LARGE1: variants seen among roughly 807,000 people sequenced by gnomAD.
The protein encoded by LARGE1 is LARGE xylosyl- and glucuronyltransferase 1.
A neutral mutation model predicts 87.6 loss-of-function variants in LARGE1; 43 were observed. The ratio of observed to expected loss-of-function variants is 0.49; its 90% CI spans 0.38 to 0.63. LARGE1 has a LOEUF of 0.63. LARGE1 is among the 30% of genes least tolerant of loss of function. The pLI is 0.00. For synonymous variants in LARGE1, 434 were observed against 394.6 expected (o/e 1.10, Z -1.18); for missense variants, 802 against 1,000.2 (o/e 0.80, Z 2.67).
At chr22:33,798,101 C>T (rs1048379728) in intron 1 of LARGE1, among the ~76,000 whole-genome samples, 3 of 152,090 alleles carry the variant, frequency 2.0e-5, no homozygotes, top group Non-Finnish European at 2.9e-5. Flanking sequence ...GGCGAAAACC[C>T]GTCTCTACTG....
intron 1 of LARGE1, among the ~76,000 whole-genome samples, chr22:33,891,013 TGGTTCTGTGCATATGGGAAGCTGCATAC>T (rs61365606): frequency 0.77 from 114,996 of 148,940 alleles, 44,737 homozygotes; most frequent in East Asian, 1. Flanking sequence ...GGGCTCCATA[TGGTTCTGTGCATATGGGAAGCTGCATAC>T]GGTTCTGTGC....
At chr22:33,728,551 CAAAAAA>C (rs57790780) in intron 2 of LARGE1, among the ~76,000 whole-genome samples, 1 of 37,462 alleles carries the variant, frequency 2.7e-5, no homozygotes. Context: ...CCCCTACCAC[CAAAAAA>C]AAAAAAAAAA....
intron 11 of LARGE1, among the ~76,000 whole-genome samples, chr22:33,259,059 T>C (rs1602160302): frequency 6.6e-6 from 1 of 152,086 alleles, no homozygotes; most frequent in South Asian, 2.1e-4. Context: ...TTTGTATTTT[T>C]AGTAGAGACG....
the LARGE1 span, among the ~76,000 whole-genome samples, chr22:33,084,935 C>CA: frequency 6.6e-6 from 1 of 152,130 alleles, no homozygotes; most frequent in Non-Finnish European, 1.5e-5. Flanking sequence ...TAATTTTCAT[C>CA]AAAAATATTT....
chr22:33,290,380 T>C (rs975694607), intron 12 of LARGE1, among the ~76,000 whole-genome samples: 2 of 152,202 alleles, frequency 1.3e-5, no homozygotes, highest in Admixed American at 6.5e-5. Context: ...CGGGTCTGCA[T>C]CCTGGCTAAC....
chr22:33,186,253 A>T (rs1252878020), intron 11 of LARGE1, among the ~76,000 whole-genome samples: 3 of 152,204 alleles, frequency 2.0e-5, no homozygotes, highest in Non-Finnish European at 4.4e-5. Context: ...TTTCAGGAAT[A>T]TAGATGCAAA....
chr22:33,446,649 G>C (rs746149154), intron 6 of LARGE1, among the ~76,000 whole-genome samples: 4 of 152,222 alleles, frequency 2.6e-5, no homozygotes, highest in Non-Finnish European at 5.9e-5. Context: ...AGGAGCAGAT[G>C]GCGAGGGAGA....
intron 1 of LARGE1, among the ~76,000 whole-genome samples, chr22:33,843,854 G>T (rs1248734306): frequency 1.3e-5 from 2 of 152,042 alleles, no homozygotes; most frequent in Non-Finnish European, 2.9e-5. Context: ...AAGGCGGGCG[G>T]ATCACCTGAA....
intron 1 of LARGE1, among the ~76,000 whole-genome samples, chr22:33,839,820 C>A (rs192478888): frequency 6.6e-6 from 1 of 152,186 alleles, no homozygotes; most frequent in South Asian, 2.1e-4. Flanking sequence ...CTTTGACTTG[C>A]GTCACCTCAT....
intron 4 of LARGE1, among the ~76,000 whole-genome samples, chr22:33,613,953 T>A (rs1426721036): frequency 1.3e-5 from 2 of 152,168 alleles, no homozygotes; most frequent in African/African-American, 4.8e-5. Context: ...CCCAGCCTCA[T>A]AAGCTAGAAA....
In LARGE1 at chr22:33,283,292, G is replaced by A. The variant is rs760800914; in HGVS notation, c.1787C>T (p.Ala596Val). The change falls in exon 13 of 15, where the codon GCG becomes GTG. Residue 596 changes from alanine (A) to valine (V), a missense_variant. Ala to Val is a moderately conservative substitution (Grantham distance 64, BLOSUM62 0). Transcript: ENST00000397394. Reference protein sequence around the residue: ...ANTKKAMIVPAFETLRYRLSF... With the variant: ...ANTKKAMIVPVFETLRYRLSF... ...CAGCCGGTAGCGCAGTGTCTCGAAC[G>A]CGGGGACAATCATTGCTTTCTTGGT... The A allele has an allele frequency of 5.6e-6, 9 of 1,614,028 alleles. No individual in the cohort carries two copies. The highest frequency in any genetic ancestry group is 1.7e-5 in the Admixed American group (1 of 59,986).
intron 2 of LARGE1, 138 bp from the exon 3 acceptor site, chr22:33,650,806 G>A: frequency 2.1e-6 from 2 of 961,934 alleles, no homozygotes; most frequent in Non-Finnish European, 3.1e-6. Context: ...TGGAAAGTGA[G>A]TTACAAATAA....
chr22:33,399,895 T>A (rs1275185288), intron 7 of LARGE1, among the ~76,000 whole-genome samples: 1 of 152,192 alleles, frequency 6.6e-6, no homozygotes, highest in East Asian at 1.9e-4. Flanking sequence ...GTTACAGCAG[T>A]TCCAGTAAAG....
At position 33,752,559 on chromosome 22, in the gene LARGE1, A is replaced by G. The variant is rs8135968; in HGVS notation, c.106+8812T>C. 3.3e-3 allele frequency among the ~76,000 whole-genome samples: 502 copies of G among 152,320 alleles called. 7 individuals carry two copies. The highest frequency in any genetic ancestry group is 0.012 in the African/African-American group (485 of 41,580). ...TAAATCATTCAGACAATTCAGACCA[A>G]TACATCTAAATACAGTGCCTTTCTC... On this transcript the variant is annotated intron_variant, in intron 2 of 14. Coordinates refer to ENST00000397394, the MANE Select transcript of LARGE1 (RefSeq NM_133642.5).
In LARGE1 at chr22:33,650,612, T is replaced by C. The variant is rs34642406; in HGVS notation, c.163A>G (p.Thr55Ala). The change falls in exon 3 of 15, where the codon ACG (threonine) becomes GCG (alanine). Residue 55 changes from threonine (T) to alanine (A), a missense_variant. Thr to Ala is a moderately conservative substitution (Grantham distance 58). Transcript: ENST00000397394. ...TCGCGCTCCCGCTGGCTGGAGGCCG[T>C]GTACCTGGGGCTGTGTGCCTGGGAC... is the stretch of plus-strand genomic sequence containing the variant. ...LESQAHSPRY[T>A]ASSQRERESL... is the part of the protein sequence containing the mutation. 7.2e-4 allele frequency: 1,162 copies of C among 1,604,306 alleles called. 7 individuals are homozygous for C. The African/African-American group carries it at 0.014, about 20-fold the overall frequency.
intron 5 of LARGE1, among the ~76,000 whole-genome samples, chr22:33,572,738 C>G (rs1028401118): frequency 8.6e-5 from 13 of 151,996 alleles, no homozygotes; most frequent in African/African-American, 1.4e-4. Flanking sequence ...GGCATGGTGG[C>G]GCATGCCTGT....
intron 2 of LARGE1, among the ~76,000 whole-genome samples, chr22:33,747,182 T>C (rs931382729): frequency 2.6e-5 from 4 of 152,060 alleles, no homozygotes; most frequent in Non-Finnish European, 5.9e-5. Flanking sequence ...TAAAGGCAAG[T>C]CCAGATTGAA....
At chr22:33,640,855 T>C (rs1436590438) in intron 3 of LARGE1, among the ~76,000 whole-genome samples, 1 of 152,204 alleles carries the variant, frequency 6.6e-6, no homozygotes, top group East Asian at 1.9e-4. Flanking sequence ...GGGGCCAGAC[T>C]GTCTCTCTAG....
intron 5 of LARGE1, among the ~76,000 whole-genome samples, chr22:33,597,489 G>A (rs1244495005): frequency 6.6e-6 from 1 of 152,036 alleles, no homozygotes; most frequent in Non-Finnish European, 1.5e-5. Context: ...GCAGGGGGCT[G>A]GAAGATTACA....
Sources: allele counts gnomAD v4.1 joint callset (sites outside exome capture counted in the v4.1 genomes callset), GRCh38; gene constraint gnomAD v4.1.1; transcripts MANE v1.5; gene names NCBI Gene and HGNC (gene_info 2026-07-23, HGNC 2026-07-21).